NPAS2: variants seen among roughly 807,000 people sequenced by gnomAD.
NPAS2 encodes the protein neuronal PAS domain-containing protein 2.
A neutral mutation model predicts 107.5 loss-of-function variants in NPAS2; 23 were observed. The observed-to-expected ratio is 0.21, with a 90% CI of 0.15 to 0.30. The LOEUF (loss-of-function observed/expected upper bound fraction) is 0.30. Among genes scored for constraint, NPAS2 ranks in the 10% least tolerant of loss-of-function variants. The pLI is 1.00. For missense variants in NPAS2, 756 were observed against 1,043.3 expected (o/e 0.72, Z 3.79); for synonymous variants, 403 against 417.5 (o/e 0.97, Z 0.42).
intron 1 of NPAS2, among the ~76,000 whole-genome samples, chr2:100,844,269 G>A (rs559116845): frequency 1.1e-3 from 169 of 152,250 alleles, no homozygotes; most frequent in African/African-American, 3.6e-3. Context: ...GGGGAGGCTC[G>A]GGGCTCAGAA....
At chr2:100,880,383 C>A (rs1680255495) in intron 1 of NPAS2, among the ~76,000 whole-genome samples, 1 of 152,152 alleles carries the variant, frequency 6.6e-6, no homozygotes, top group South Asian at 2.1e-4. Context: ...GCGACCCAAG[C>A]ACCCATCAGT....
chr2:100,833,004 T>A (rs769060314), intron 1 of NPAS2, among the ~76,000 whole-genome samples: 2 of 152,212 alleles, frequency 1.3e-5, no homozygotes, highest in Non-Finnish European at 2.9e-5. Flanking sequence ...TTCTAACAGC[T>A]CAGACTTTGG....
At chr2:100,946,194 A>G (rs1338503532) in intron 5 of NPAS2, among the ~76,000 whole-genome samples, 1 of 152,162 alleles carries the variant, frequency 6.6e-6, no homozygotes, top group Admixed American at 6.5e-5. Flanking sequence ...AGCTCATGGA[A>G]CCTTCATGGT....
chr2:100,862,163 G>T (rs567508726), intron 1 of NPAS2, among the ~76,000 whole-genome samples: 19 of 152,272 alleles, frequency 1.2e-4, no homozygotes, highest in African/African-American at 3.4e-4. Flanking sequence ...GGAAAAAAAA[G>T]AATACATCTC....
intron 4 of NPAS2, among the ~76,000 whole-genome samples, chr2:100,936,716 C>A (rs1038438629): frequency 1.4e-4 from 22 of 152,180 alleles, no homozygotes; most frequent in African/African-American, 5.3e-4. Context: ...TGCAGTGGCT[C>A]ACACCTGTAA....
chr2:100,849,984 A>G (rs1360391063), intron 1 of NPAS2, among the ~76,000 whole-genome samples: 1 of 149,488 alleles, frequency 6.7e-6, no homozygotes, highest in African/African-American at 2.5e-5. Flanking sequence ...TTAAACTCCA[A>G]GATAGATCTA....
At chr2:100,852,638 T>A (rs1678273863) in intron 1 of NPAS2, among the ~76,000 whole-genome samples, 1 of 152,068 alleles carries the variant, frequency 6.6e-6, no homozygotes, top group Non-Finnish European at 1.5e-5. Context: ...ATGAGACCAC[T>A]TGTGATGGAG....
chr2:100,965,857 C>A lies in NPAS2; in HGVS notation c.907+91C>A. On this transcript the variant is annotated intron_variant, in intron 10 of 20. Transcript: ENST00000335681. The surrounding 1 kb of genome is among the most constrained non-coding windows in gnomAD (Gnocchi z 4.3). ...GGCTCTGGGACTCCAGAAGCCTCTG[C>A]TCGTTACCTGGTTTCTTTTTAAGGT... The A allele has an allele frequency of 1.3e-6, 1 of 789,738 alleles. No individual in the cohort carries two copies. The highest frequency in any genetic ancestry group is 2.1e-6 in the Non-Finnish European group (1 of 471,236). 48.9% of individuals were successfully genotyped at this position (789,738 alleles called of 1,614,324 possible).
intron 16 of NPAS2, chr2:100,985,459 G>T (rs562174686): frequency 2.0e-5 from 3 of 152,352 alleles, no homozygotes; most frequent in East Asian, 1.9e-4. Context: ...GATATACATC[G>T]ATGGGACAGA....
intron 3 of NPAS2, among the ~76,000 whole-genome samples, chr2:100,925,831 G>C (rs1456707430): frequency 6.6e-6 from 1 of 152,140 alleles, no homozygotes; most frequent in African/African-American, 2.4e-5. Context: ...CCATTTTAAA[G>C]TGTAGAGTGC....
upstream of NPAS2, among the ~76,000 whole-genome samples, chr2:100,819,000 G>A (rs1356422668): frequency 6.6e-6 from 1 of 152,198 alleles, no homozygotes; most frequent in Non-Finnish European, 1.5e-5. Flanking sequence ...GCATCAGACA[G>A]CAGCCCCGGC....
chr2:100,833,261 A>G lies in NPAS2; in HGVS notation c.-23+12847A>G, dbSNP rs1676856920. 2.6e-5 allele frequency among the ~76,000 whole-genome samples: 4 copies of G among 152,228 alleles called. No individual in the cohort carries two copies. In the South Asian group the frequency reaches 8.3e-4, roughly 32 times the overall value. On this transcript the variant is annotated intron_variant, in intron 1 of 20. Coordinates refer to ENST00000335681, the MANE Select transcript of NPAS2 (RefSeq NM_002518.4). ...GGCCTTGGCAAGTTGCATAAACCCC[A>G]TGACTCAGTTTCTTCGTCTGTGAAA...
At chr2:100,932,733 A>G (rs1307850790) in intron 3 of NPAS2, among the ~76,000 whole-genome samples, 177 bp from the exon 4 acceptor site, 2 of 151,586 alleles carry the variant, frequency 1.3e-5, no homozygotes, top group East Asian at 1.9e-4. Context: ...GGAGATGAGA[A>G]CATCCGAAGC....
chr2:100,991,284 G>A (rs543676113), intron 19 of NPAS2, among the ~76,000 whole-genome samples: 1 of 152,136 alleles, frequency 6.6e-6, no homozygotes, highest in African/African-American at 2.4e-5. Context: ...GTCTCTCCCA[G>A]ACAAGCAGCC....
chr2:100,928,839 A>G (rs1683750860), intron 3 of NPAS2, among the ~76,000 whole-genome samples: 1 of 152,218 alleles, frequency 6.6e-6, no homozygotes, highest in Admixed American at 6.5e-5. Context: ...AGGGCTTGCT[A>G]TGAGCTGGGC....
intron 5 of NPAS2, among the ~76,000 whole-genome samples, chr2:100,941,674 A>G (rs1422115830): frequency 1.3e-5 from 2 of 152,192 alleles, no homozygotes; most frequent in African/African-American, 2.4e-5. Flanking sequence ...CGTGCATACA[A>G]TGGAGGCCAA....
intron 15 of NPAS2, among the ~76,000 whole-genome samples, chr2:100,981,768 C>T (rs75763901): frequency 0.015 from 2,287 of 152,188 alleles, 68 homozygotes; most frequent in South Asian, 0.1. Context: ...TTTAGGATAA[C>T]GACCGGACCC....
chr2:100,875,123 C>T (rs13424975), intron 1 of NPAS2, among the ~76,000 whole-genome samples: 4,655 of 152,252 alleles, frequency 0.031, 118 homozygotes, highest in African/African-American at 0.058. Flanking sequence ...GAAATTCTGA[C>T]GCATGCTACA....
chr2:100,963,354 C>T (rs946969231), intron 7 of NPAS2, among the ~76,000 whole-genome samples: 4 of 152,134 alleles, frequency 2.6e-5, no homozygotes, highest in Admixed American at 6.5e-5. Context: ...GTATTCAAAC[C>T]GTTACTGCAG....
Sources: gnomAD v4.1 joint callset for allele counts (sites outside exome capture counted in the v4.1 genomes callset) on GRCh38, gnomAD v4.1.1 for gene constraint, Gnocchi (gnomAD v3.1) non-coding constraint, MANE v1.5 for transcripts, NCBI Gene and HGNC (gene_info 2026-07-23, HGNC 2026-07-21) for gene names.